SON: variants seen among roughly 807,000 people sequenced by gnomAD.
The protein encoded by SON is SON DNA and RNA binding protein, also known as protein SON.
SON carries 4 observed loss-of-function variants against 173.3 expected under a neutral mutation model. That is an observed-to-expected ratio of 0.02 (90% CI 0.01 to 0.05). SON has a LOEUF of 0.05. Among genes scored for constraint, SON ranks in the 10% least tolerant of loss-of-function variants. The pLI is 1.00. For synonymous variants in SON, 1,190 were observed against 1,105.9 expected (o/e 1.08, Z -1.51); for missense variants, 2,626 against 3,055.3 (o/e 0.86, Z 3.31).
chr21:33,568,344 T>C (rs1163345347), intron 7 of SON, among the ~76,000 whole-genome samples: 1 of 152,112 alleles, frequency 6.6e-6, no homozygotes, highest in African/African-American at 2.4e-5. Context: ...AATACAAAAT[T>C]AGCCGGGCGC....
In SON at chr21:33,551,905, G is replaced by C; in HGVS notation, c.2674G>C (p.Asp892His). ...TCAGATGTTAGCGTCTGGTACCATG[G>C]ATGCCCAGATGTTAGCGTCTAGTAC... ...DAQMLASGTM[D>H]AQMLASSTQD... Residue 892 changes from aspartate to histidine, a missense_variant, in exon 3 of 12, where the codon GAT becomes CAT. Physicochemically the swap from Asp to His is moderately conservative, Grantham distance 81. Around this residue, in one of 13 missense-constraint regions of SON, gnomAD observed 366 missense variants for 448.6 expected, o/e 0.82. Transcript: ENST00000356577. 1 of 1,613,880 alleles carries C rather than the reference G, an allele frequency of 6.2e-7. No homozygotes were observed. The highest frequency in any genetic ancestry group is 8.5e-7 in the Non-Finnish European group (1 of 1,179,846).
chr21:33,552,964 G>C lies in SON; in HGVS notation c.3733G>C (p.Ala1245Pro). The change falls in exon 3 of 12, where the codon GCT becomes CCT. Residue 1245 changes from alanine (A) to proline (P), a missense_variant. This residue lies in a region of SON where 1,006 missense variants were observed against 895.6 expected (regional missense o/e 1.12). Transcript: ENST00000356577. The surrounding 1 kb of genome is among the most constrained non-coding windows in gnomAD (Gnocchi z 5.6). ...SDPSVLVSEA[A>P]VTVPEPPPEP... ...TCCCTCAGTTTTAGTATCAGAGGCT[G>C]CTGTGACTGTTCCAGAACCACCACC... 1 of 1,614,192 alleles carries C rather than the reference G, an allele frequency of 6.2e-7. No individual in the cohort carries two copies. The highest frequency in any genetic ancestry group is 8.5e-7 in the Non-Finnish European group (1 of 1,180,028).
At chr21:33,543,348 T>A in intron 1 of SON, 179 bp downstream of exon 1, 1 of 575,182 alleles carries the variant, frequency 1.7e-6, no homozygotes. Context: ...GCTCCCTTCC[T>A]TTTCCCTCGA....
At chr21:33,569,461 T>C (rs985202074) in intron 8 of SON, 1 of 337,106 alleles carries the variant, frequency 3.0e-6, no homozygotes, top group African/African-American at 2.3e-5. Flanking sequence ...TTCTTCATCA[T>C]GGGATACTTT....
chr21:33,573,060 A>C, intron 8 of SON: 3 of 344,384 alleles, frequency 8.7e-6, no homozygotes, highest in East Asian at 4.8e-5. Flanking sequence ...TGAGGGGGGC[A>C]CGAGGGCTAC....
Position 33,559,045 on chromosome 21 carries a change from T to A in SON, c.6322-185T>A, listed in dbSNP as rs2086021289. The A allele has an allele frequency of 4.5e-6, 2 of 445,424 alleles. No individual in the cohort carries two copies. The highest frequency in any genetic ancestry group is 8.2e-5 in the South Asian group (2 of 24,386). The allele number at this position is 445,424 out of a possible 1,614,324, so 27.6% of individuals were successfully genotyped here. On this transcript the variant is annotated intron_variant, in intron 4 of 11. Coordinates refer to ENST00000356577, the MANE Select transcript of SON (RefSeq NM_138927.4). This position sits in a 1 kb window ranked among gnomAD's most constrained non-coding sequence, Gnocchi z 4.1. ...GCACATAGTAGGTGCTCAATAAATG[T>A]TGTTGACTGACTGACCAGCCAGAGT...
At chr21:33,558,474 CT>C (rs1473592897) in intron 4 of SON, 1 of 152,172 alleles carries the variant, frequency 6.6e-6, no homozygotes, top group East Asian at 1.9e-4. Flanking sequence ...AAATGTAAAG[CT>C]TCTGAATCTG....
chr21:33,567,423 A>G (rs540994196), intron 7 of SON, 156 bp downstream of exon 7: 2 of 603,846 alleles, frequency 3.3e-6, no homozygotes, highest in Non-Finnish European at 6.1e-6. Context: ...AATGAAAGTG[A>G]TTCGAGGCCT....
At chr21:33,560,606 G>T in intron 6 of SON, 1 of 937,002 alleles carries the variant, frequency 1.1e-6, no homozygotes, top group Non-Finnish European at 1.3e-6. Flanking sequence ...CTGTATCTTT[G>T]TATGTATCTC....
In SON at chr21:33,555,103, C is replaced by G. The variant is rs764886523; in HGVS notation, c.5872C>G (p.Arg1958Gly). ...SFSISPSRRS[R>G]TPSRRSRTPS... ...TAGCATTTCCCCAAGCCGCCGCAGCCGCACCCCCAGCCGCCGCAGCCGCAC... is the reference window on the plus strand; with the variant it reads ...TAGCATTTCCCCAAGCCGCCGCAGCGGCACCCCCAGCCGCCGCAGCCGCAC... Residue 1958 changes from arginine to glycine, a missense_variant, in exon 3 of 12, where the codon CGC becomes GGC. Around this residue, in one of 13 missense-constraint regions of SON, gnomAD observed 138 missense variants for 222.9 expected, o/e 0.62. Transcript: ENST00000356577. The G allele has an allele frequency of 1.3e-6, 2 of 1,510,490 alleles. No individual in the cohort carries two copies. Among genetic ancestry groups the G allele is most frequent in the Non-Finnish European group, 1.8e-6 (2 of 1,122,898 alleles). 93.6% of individuals were successfully genotyped at this position (1,510,490 alleles called of 1,614,324 possible).
chr21:33,567,724 C>T (rs755123138), intron 7 of SON, among the ~76,000 whole-genome samples: 2 of 152,016 alleles, frequency 1.3e-5, no homozygotes, highest in Admixed American at 6.6e-5. Context: ...ACCAGCCTGG[C>T]CAAGGTGATG....
At chr21:33,543,658 C>G (rs1244037151) in intron 1 of SON, among the ~76,000 whole-genome samples, 1 of 152,194 alleles carries the variant, frequency 6.6e-6, no homozygotes, top group African/African-American at 2.4e-5. Flanking sequence ...GCTTGGGGGT[C>G]TGGATCTATT....
rs757450443 is a variant in SON at position 33,552,426 on chromosome 21, C to T, written c.3195C>T (p.Ser1065=). 2 of 1,613,662 alleles carry T rather than the reference C, an allele frequency of 1.2e-6. No homozygotes were observed. Among genetic ancestry groups the T allele is most frequent in the Admixed American group, 1.7e-5 (1 of 59,970 alleles). The change falls in exon 3 of 12, where the codon TCC becomes TCT. Residue 1065 remains serine (S), a synonymous_variant. Transcript: ENST00000356577. The surrounding 1 kb of genome is among the most constrained non-coding windows in gnomAD (Gnocchi z 5.6). ...ERSMMSAYER[S]MMSAYERSMM... is the part of the protein sequence containing the mutation. ...CTATGATGTCAGCTTATGAACGCTC[C>T]ATGATGTCAGCTTATGAACGCTCCA... is the stretch of plus-strand genomic sequence containing the variant.
chr21:33,563,907 A>G (rs1225132987), intron 6 of SON, among the ~76,000 whole-genome samples: 2 of 152,164 alleles, frequency 1.3e-5, no homozygotes, highest in Admixed American at 1.3e-4. Flanking sequence ...GTTTTTATTT[A>G]CCTGAGATTT....
At chr21:33,561,570 C>T (rs1041298918) in intron 6 of SON, among the ~76,000 whole-genome samples, 26 of 152,078 alleles carry the variant, frequency 1.7e-4, no homozygotes, top group Non-Finnish European at 2.2e-4. Context: ...TGAATTTCTT[C>T]GGTTCAATCA....
intron 6 of SON, chr21:33,560,251 C>T (rs2086046268): frequency 1.4e-6 from 2 of 1,477,334 alleles, no homozygotes; most frequent in South Asian, 3.0e-5. Context: ...AGCCCATTGC[C>T]CTTAATGATG....
rs928639477 is a variant in SON at position 33,576,942 on chromosome 21, G to A, written c.*518G>A. 2 of 220,902 alleles carry A rather than the reference G, an allele frequency of 9.1e-6. No individual in the cohort carries two copies. Among genetic ancestry groups the A allele is most frequent in the African/African-American group, 4.5e-5 (2 of 44,536 alleles). 13.7% of individuals were successfully genotyped at this position (220,902 alleles called of 1,614,324 possible). On this transcript the variant is annotated 3_prime_UTR_variant, in exon 12 of 12. Transcript: ENST00000356577. ...AACACTTGCCTGTAATCAGTGAAGG[G>A]CTGTGCACCTTGTACTATTTCACAA...
At chr21:33,573,635 A>AT (rs2086336083) in intron 9 of SON, among the ~76,000 whole-genome samples, 180 bp downstream of exon 9, 1 of 152,190 alleles carries the variant, frequency 6.6e-6, no homozygotes, top group Non-Finnish European at 1.5e-5. Flanking sequence ...ATAACTATGG[A>AT]TAGAGACACC....
At chr21:33,567,120 G>A (rs764075906) in intron 6 of SON, 37 bp from the exon 7 acceptor site, 3 of 1,236,004 alleles carry the variant, frequency 2.4e-6, no homozygotes, top group Non-Finnish European at 3.5e-6. Flanking sequence ...AGGGGACTAT[G>A]GTAATTTGAG....
Sources: gnomAD v4.1 joint callset for allele counts (sites outside exome capture counted in the v4.1 genomes callset) on GRCh38, gnomAD v4.1.1 for gene constraint, gnomAD v4.1.1 regional missense constraint, Gnocchi (gnomAD v3.1) non-coding constraint, MANE v1.5 for transcripts, NCBI Gene and HGNC (gene_info 2026-07-23, HGNC 2026-07-21) for gene names.